ARHGEF15: variants seen among roughly 807,000 people sequenced by gnomAD.
ARHGEF15 encodes Rho guanine nucleotide exchange factor 15, also known as Rho guanine nucleotide exchange factor (GEF) 15.
Under a neutral mutation model 79.7 loss-of-function variants are expected in ARHGEF15, and 58 were observed. The observed-to-expected ratio is 0.73, with a 90% CI of 0.59 to 0.91. ARHGEF15 has a LOEUF of 0.91. Ranked by LOEUF, ARHGEF15 falls within the 40% of genes least tolerant of loss-of-function variation. The probability of loss-of-function intolerance (pLI) is 0.00; values close to 1 mark genes in which losing one functional copy is unlikely to be tolerated. For missense variants in ARHGEF15, 1,012 were observed against 1,108.1 expected, an observed-to-expected ratio of 0.91 and a Z score of 1.23; for synonymous variants, 442 against 456.0, an observed-to-expected ratio of 0.97 and a Z score of 0.39.
At position 8,314,770 on chromosome 17, in the gene ARHGEF15, G is replaced by T. The variant is rs552113174; in HGVS notation, c.990-136G>T. 3.0e-4 allele frequency: 226 copies of T among 761,140 alleles called. 1 individual carries two copies. In the African/African-American group the frequency reaches 3.8e-3, roughly 13 times the overall value. The allele number at this position is 761,140 out of a possible 1,614,324, so 47.1% of individuals were successfully genotyped here. On this transcript the variant is annotated intron_variant, in intron 4 of 15. Transcript: ENST00000361926. ...AAAAAAAAAAAAAAAAAAAGCCTGA[G>T]GTTTGATTTGGGGAGCCGTCAGGGT...
rs1421216121 is a variant in ARHGEF15 at position 8,312,199 on chromosome 17, C to T, written c.160C>T (p.Pro54Ser). ...ACTACCCCGAAACTCCAATGATGCACCAACCCCAATGTGCACCCCCATCTT... is the reference window on the plus strand; with the variant it reads ...ACTACCCCGAAACTCCAATGATGCATCAACCCCAATGTGCACCCCCATCTT... ...QELPRNSNDA[P>S]TPMCTPIFWE... The change falls in exon 2 of 16, where the codon CCA becomes TCA. Residue 54 changes from proline to serine, a missense_variant. By Grantham distance (74) the Pro-to-Ser change is moderately conservative. Transcript: ENST00000361926. The T allele has an allele frequency of 6.2e-7, 1 of 1,605,842 alleles. No individual in the cohort carries two copies. Among genetic ancestry groups the T allele is most frequent in the East Asian group, 2.2e-5 (1 of 44,800 alleles).
chr17:8,315,793 C>T lies in ARHGEF15; in HGVS notation c.1460C>T (p.Pro487Leu). The T allele has an allele frequency of 6.2e-7, 1 of 1,613,374 alleles. No individual in the cohort carries two copies. The highest frequency in any genetic ancestry group is 8.5e-7 in the Non-Finnish European group (1 of 1,179,988). ...ATLLSRVRSS[P>L]HISDLCDVVH... The stretch of plus-strand genomic sequence containing the variant: ...CTCCTGTCCCGTGTGCGCTCTTCCC[C>T]CCACATCAGCGACTTGTGTGATGTG... The change falls in exon 8 of 16, where the codon CCC becomes CTC. Residue 487 changes from proline (P) to leucine (L), a missense_variant. Transcript: ENST00000361926. This position sits in a 1 kb window ranked among gnomAD's most constrained non-coding sequence, Gnocchi z 4.3.
At chr17:8,313,474 T>TC (rs372368712) in intron 3 of ARHGEF15, 27 bp from the exon 4 acceptor site, 8 of 1,603,820 alleles carry the variant, frequency 5.0e-6, no homozygotes, top group African/African-American at 4.0e-5. Flanking sequence ...AGTTTTTTTT[T>TC]CTCTTCACTC....
Position 8,312,075 on chromosome 17 carries a change from C to G in ARHGEF15, c.36C>G (p.Pro12=), listed in dbSNP as rs748986833. ...AGTCCCTTCCTGCAGCAACACCCCC[C>G]ACGCAGAAGCCCCCTCGGATCATCC... ...SAQSLPAATP[P]TQKPPRIIRP... Residue 12 remains proline (P), a synonymous_variant, in exon 2 of 16, where the codon CCC becomes CCG. Transcript: ENST00000361926. 6.1e-6 allele frequency: 9 copies of G among 1,476,880 alleles called. No homozygotes were observed. The highest frequency in any genetic ancestry group is 2.0e-5 in the Admixed American group (1 of 50,266). 91.5% of individuals were successfully genotyped at this position (1,476,880 alleles called of 1,614,324 possible).
chr17:8,316,198 A>G (rs1466475389), intron 9 of ARHGEF15, 50 bp downstream of exon 9: 1 of 1,579,920 alleles, frequency 6.3e-7, no homozygotes, highest in Non-Finnish European at 8.6e-7. Flanking sequence ...CCATCGGAGA[A>G]CTCTCCCGAG....
At chr17:8,313,303 G>A in intron 3 of ARHGEF15, 49 bp downstream of exon 3, 3 of 1,569,592 alleles carry the variant, frequency 1.9e-6, no homozygotes, top group Non-Finnish European at 2.6e-6. Context: ...GGACAGGAGA[G>A]AGGCAGGGGG....
Position 8,319,526 on chromosome 17 carries a change from C to T in ARHGEF15, c.2297C>T (p.Ser766Leu), listed in dbSNP as rs200402507. 104 of 1,610,512 alleles carry T rather than the reference C, an allele frequency of 6.5e-5. No homozygotes were observed. The highest frequency in any genetic ancestry group is 1.7e-4 in the Middle Eastern group (1 of 6,034). The change falls in exon 15 of 16, where the codon TCG becomes TTG. Residue 766 changes from serine (S) to leucine (L), a missense_variant. Ser to Leu is a moderately radical substitution (Grantham distance 145). Transcript: ENST00000361926. Reference sequence around the variant, plus strand: ...TGTTCCCAGGAACTGTGTTCAGAGTCGTCTGCACCTGCCAAGACTGAAGGA... The same window carrying T: ...TGTTCCCAGGAACTGTGTTCAGAGTTGTCTGCACCTGCCAAGACTGAAGGA... Reference protein sequence around the residue: ...CDCSQELCSESSAPAKTEGRS... With the variant: ...CDCSQELCSELSAPAKTEGRS...
Position 8,318,244 on chromosome 17 carries a change from C to T in ARHGEF15, c.1705-143C>T. ...GCTCAGAGAGGTAACAGGACTTGCT[C>T]AGGGTTCTGCAGATGGTGAGTGATG... On this transcript the variant is annotated intron_variant, in intron 9 of 15. Transcript: ENST00000361926. This position sits in a 1 kb window ranked among gnomAD's most constrained non-coding sequence, Gnocchi z 5.0. 1.3e-6 allele frequency: 1 copy of T among 785,604 alleles called. No individual in the cohort carries two copies. Among genetic ancestry groups the T allele is most frequent in the Non-Finnish European group, 2.1e-6 (1 of 472,252 alleles). The allele number at this position is 785,604 out of a possible 1,614,324, so 48.7% of individuals were successfully genotyped here. A position where few individuals can be genotyped will look rare whatever the true frequency, so the allele number is the denominator to read the frequency against.
At position 8,319,307 on chromosome 17, in the gene ARHGEF15, A is replaced by C; in HGVS notation, c.2187-5A>C. 6.2e-7 allele frequency: 1 copy of C among 1,613,536 alleles called. No individual in the cohort carries two copies. Among genetic ancestry groups the C allele is most frequent in the Non-Finnish European group, 8.5e-7 (1 of 1,179,798 alleles). ...AACTGTGACACTTCCCAATATCCCCACCAGATCAGACATGCAGCGCTGGCT... is the reference window on the plus strand; with the variant it reads ...AACTGTGACACTTCCCAATATCCCCCCCAGATCAGACATGCAGCGCTGGCT... On this transcript the variant is annotated splice_region_variant and splice_polypyrimidine_tract_variant and intron_variant, in intron 13 of 15. Coordinates refer to ENST00000361926, the MANE Select transcript of ARHGEF15 (RefSeq NM_173728.4).
Position 8,322,248 on chromosome 17 carries a change from T to C in ARHGEF15, c.*1255T>C, listed in dbSNP as rs1217102875. On this transcript the variant is annotated 3_prime_UTR_variant, in exon 16 of 16. Transcript: ENST00000361926. ...CCAGATGAGCCAGTGCCTCGCATGA[T>C]ACCAGAGGAGGCGAGGGACAGAGAC... is the stretch of plus-strand genomic sequence containing the variant. 1.3e-5 allele frequency: 2 copies of C among 152,326 alleles called. No individual in the cohort carries two copies. The highest frequency in any genetic ancestry group is 2.9e-5 in the Non-Finnish European group (2 of 68,132). 9.4% of individuals were successfully genotyped at this position (152,326 alleles called of 1,614,324 possible).
At position 8,315,868 on chromosome 17, in the gene ARHGEF15, G is replaced by A; in HGVS notation, c.1535G>A (p.Arg512Gln). Residue 512 changes from arginine (R) to glutamine (Q), a missense_variant, in exon 8 of 16, where the codon CGG (arginine) becomes CAG (glutamine). Physicochemically the swap from Arg to Gln is conservative, Grantham distance 43. Coordinates refer to ENST00000361926, the MANE Select transcript of ARHGEF15 (RefSeq NM_173728.4). The surrounding 1 kb of genome is among the most constrained non-coding windows in gnomAD (Gnocchi z 4.3). ...TTCTCGGTGTATGTGGATTATGTGC[G>A]GAACCAGCAGTATCAGGAGGAGACC... Reference protein sequence around the residue: ...GPFSVYVDYVRNQQYQEETYS... With the variant: ...GPFSVYVDYVQNQQYQEETYS... 3 of 1,611,692 alleles carry A rather than the reference G, an allele frequency of 1.9e-6. No individual in the cohort carries two copies. The highest frequency in any genetic ancestry group is 2.2e-5 in the East Asian group (1 of 44,860).
In ARHGEF15 at chr17:8,313,143, C is replaced by T. The variant is rs1904772412; in HGVS notation, c.823C>T (p.Leu275=). ...CCGCTCCACTGCTGAGCGCAAACTC[C>T]TGCCACTCCTCAAGCCTCCCAAACC... ...SYRSTAERKL[L]PLLKPPKPTR... The change falls in exon 3 of 16, where the codon CTG becomes TTG. Residue 275 remains leucine (L), a synonymous_variant. Transcript: ENST00000361926. The T allele has an allele frequency of 1.9e-6, 3 of 1,613,120 alleles. No individual in the cohort carries two copies. Among genetic ancestry groups the T allele is most frequent in the African/African-American group, 2.7e-5 (2 of 74,916 alleles).
In ARHGEF15 at chr17:8,318,558, C is replaced by G. The variant is rs758181336; in HGVS notation, c.1780-12C>G. On this transcript the variant is annotated splice_polypyrimidine_tract_variant and intron_variant, in intron 10 of 15. Transcript: ENST00000361926. This position sits in a 1 kb window ranked among gnomAD's most constrained non-coding sequence, Gnocchi z 5.0. ...TGGCCGCTGGGGTGGTGACACAGCT[C>G]CCCTTACCTAGATCATCGAGCGTTG... The G allele has an allele frequency of 6.2e-7, 1 of 1,612,796 alleles. No individual in the cohort carries two copies. The highest frequency in any genetic ancestry group is 8.5e-7 in the Non-Finnish European group (1 of 1,179,086).
chr17:8,311,996 G>A lies in ARHGEF15; in HGVS notation c.-44G>A. 1 of 1,482,464 alleles carries A rather than the reference G, an allele frequency of 6.7e-7. No individual in the cohort carries two copies. The highest frequency in any genetic ancestry group is 9.0e-7 in the Non-Finnish European group (1 of 1,117,302). The allele number at this position is 1,482,464 out of a possible 1,614,324, so 91.8% of individuals were successfully genotyped here. On this transcript the variant is annotated 5_prime_UTR_variant, in exon 2 of 16. An upstream start codon of the reference 5' UTR is lost. Transcript: ENST00000361926. ...TTTCCCTCCCTCCTCCTCAGGGGATGACTCCAGCAGAGCACCTCACTCCTT... is the reference window on the plus strand; with the variant it reads ...TTTCCCTCCCTCCTCCTCAGGGGATAACTCCAGCAGAGCACCTCACTCCTT...
chr17:8,312,033 G>A lies in ARHGEF15; in HGVS notation c.-7G>A, dbSNP rs1904652289. ...GCACCTCACTCCTTTGAAGAGCACA[G>A]AGGAAGATGTCAGCCCAGTCCCTTC... On this transcript the variant is annotated 5_prime_UTR_variant, in exon 2 of 16. Coordinates refer to ENST00000361926, the MANE Select transcript of ARHGEF15 (RefSeq NM_173728.4). 2 of 1,582,532 alleles carry A rather than the reference G, an allele frequency of 1.3e-6. No homozygotes were observed. Among genetic ancestry groups the A allele is most frequent in the Admixed American group, 1.8e-5 (1 of 55,602 alleles).
Position 8,318,437 on chromosome 17 carries a change from G to C in ARHGEF15, c.1755G>C (p.Gln585His), listed in dbSNP as rs1280630665. 4.3e-6 allele frequency: 7 copies of C among 1,613,970 alleles called. No homozygotes were observed. Among genetic ancestry groups the C allele is most frequent in the Non-Finnish European group, 5.9e-6 (7 of 1,180,022 alleles). ...EEGSSRQENA[Q>H]KALGAVSKII... ...GGTCCAGCCGTCAGGAGAATGCCCAGAAGGCCCTGGGTGCTGTCAGCAAGG... is the reference window on the plus strand; with the variant it reads ...GGTCCAGCCGTCAGGAGAATGCCCACAAGGCCCTGGGTGCTGTCAGCAAGG... Residue 585 changes from glutamine to histidine, a missense_variant, in exon 10 of 16, where the codon CAG (glutamine) becomes CAC (histidine). Coordinates refer to ENST00000361926, the MANE Select transcript of ARHGEF15 (RefSeq NM_173728.4). This position sits in a 1 kb window ranked among gnomAD's most constrained non-coding sequence, Gnocchi z 5.0.
chr17:8,310,516 C>T (rs949063862), intron 1 of ARHGEF15, among the ~76,000 whole-genome samples, 173 bp downstream of exon 1: 1 of 152,008 alleles, frequency 6.6e-6, no homozygotes, highest in African/African-American at 2.4e-5. Context: ...TTAGCTGAGA[C>T]AGAGGCATCC....
chr17:8,311,558 G>A (rs150134921), intron 1 of ARHGEF15, among the ~76,000 whole-genome samples: 158 of 151,996 alleles, frequency 1.0e-3, no homozygotes, highest in African/African-American at 3.6e-3. Context: ...TGCACGCCTC[G>A]CAGCCCAGGC....
In ARHGEF15 at chr17:8,318,659, C is replaced by G. The variant is rs749113941; in HGVS notation, c.1869C>G (p.Val623=). 6.2e-7 allele frequency: 1 copy of G among 1,613,020 alleles called. No homozygotes were observed. The change falls in exon 11 of 16, where the codon GTC becomes GTG. Residue 623 remains valine (V), a synonymous_variant. Transcript: ENST00000361926. The surrounding 1 kb of genome is among the most constrained non-coding windows in gnomAD (Gnocchi z 5.0). ...CCCAAAGGCTGCGCTTCCACAAAGTCAAGGTACATCGCTGCCCAGGCTCCC... is the reference window on the plus strand; with the variant it reads ...CCCAAAGGCTGCGCTTCCACAAAGTGAAGGTACATCGCTGCCCAGGCTCCC... ...RLTQRLRFHK[V]KALPLVSWSR...
Sources: allele counts gnomAD v4.1 joint callset (sites outside exome capture counted in the v4.1 genomes callset), GRCh38; gene constraint gnomAD v4.1.1; non-coding constraint Gnocchi (gnomAD v3.1); transcripts MANE v1.5; gene names NCBI Gene and HGNC (gene_info 2026-07-23, HGNC 2026-07-21).